The following SLC22A23 variants were observed in gnomAD, a reference collection of about 807,000 sequenced individuals.
The protein encoded by SLC22A23 is solute carrier family 22 member 23.
In SLC22A23, 26 loss-of-function variants were observed where a neutral mutation model predicts 61.0. The ratio of observed to expected loss-of-function variants is 0.43; its 90% confidence interval spans 0.31 to 0.59. SLC22A23 has a LOEUF of 0.59. Among genes scored for constraint, SLC22A23 ranks in the 20% least tolerant of loss-of-function variants. SLC22A23 has a pLI of 0.11. For missense variants in SLC22A23, 796 were observed against 934.7 expected (o/e 0.85, Z 1.94); for synonymous variants, 430 against 413.9 (o/e 1.04, Z -0.47).
chr6:3,298,145 A>G lies in SLC22A23; in HGVS notation c.1156T>C (p.Phe386Leu), dbSNP rs1761278126. ...GGGTTCATGCGATTCTTCTGTGTGA[A>G]GTGGAGGATCAGCCTCTTTGCAGAC... is the stretch of plus-strand genomic sequence containing the variant. Reference protein sequence around the residue: ...FESAKRLILHFTQKNRMNPEG... With the variant: ...FESAKRLILHLTQKNRMNPEG... Residue 386 changes from phenylalanine to leucine, a missense_variant, in exon 5 of 10, where the codon TTC becomes CTC. By Grantham distance (22) the Phe-to-Leu change is conservative (BLOSUM62 0). Coordinates refer to ENST00000406686, the MANE Select transcript of SLC22A23 (RefSeq NM_015482.2). 6.3e-7 allele frequency: 1 copy of G among 1,590,954 alleles called. No individual in the cohort carries two copies. Among genetic ancestry groups the G allele is most frequent in the Admixed American group, 1.8e-5 (1 of 54,972 alleles).
chr6:3,376,333 G>A (rs996455439), intron 3 of SLC22A23, among the ~76,000 whole-genome samples: 24 of 152,150 alleles, frequency 1.6e-4, no homozygotes, highest in African/African-American at 5.8e-4. Flanking sequence ...ACGGAGCAAA[G>A]CAAACCTTCC....
At chr6:3,434,989 A>G (rs553652121) in intron 1 of SLC22A23, among the ~76,000 whole-genome samples, 22 of 152,208 alleles carry the variant, frequency 1.4e-4, no homozygotes, top group Non-Finnish European at 2.8e-4. Context: ...GGCAAGAAAA[A>G]CAGCCCCAAC....
chr6:3,404,981 C>T (rs928463706), intron 3 of SLC22A23, among the ~76,000 whole-genome samples: 9 of 151,766 alleles, frequency 5.9e-5, no homozygotes, highest in African/African-American at 1.7e-4. Context: ...GATTTGTCGG[C>T]CAGGTGCGGT....
chr6:3,346,289 C>A (rs189205025), intron 3 of SLC22A23, among the ~76,000 whole-genome samples: 2 of 152,166 alleles, frequency 1.3e-5, no homozygotes, highest in Non-Finnish European at 2.9e-5. Context: ...CAGCATTGCA[C>A]GTCTGAAGCT....
chr6:3,437,769 CAG>C (rs1463068569), intron 1 of SLC22A23, among the ~76,000 whole-genome samples: 1 of 119,154 alleles, frequency 8.4e-6, no homozygotes. Flanking sequence ...TTTTTTGAGA[CAG>C]AGTTTTGCTC....
intron 2 of SLC22A23, among the ~76,000 whole-genome samples, chr6:3,411,935 T>A (rs1769282260): frequency 6.6e-6 from 1 of 152,224 alleles, no homozygotes; most frequent in African/African-American, 2.4e-5. Context: ...AAATTTAAAA[T>A]ACAGCTTTAG....
chr6:3,364,118 T>C (rs1357034726), intron 3 of SLC22A23, among the ~76,000 whole-genome samples: 4 of 152,236 alleles, frequency 2.6e-5, no homozygotes, highest in Non-Finnish European at 5.9e-5. Context: ...CTCTTTGGGA[T>C]GAGTCAAAGG....
Position 3,285,798 on chromosome 6 carries a change from C to T in SLC22A23, c.1547-687G>A, listed in dbSNP as rs576678345. Among the ~76,000 whole-genome samples, 5 of 152,326 alleles carry T rather than the reference C, an allele frequency of 3.3e-5. No individual in the cohort carries two copies. The East Asian group carries it at 5.8e-4, about 18-fold the overall frequency. On this transcript the variant is annotated intron_variant, in intron 7 of 9. Coordinates refer to ENST00000406686, the MANE Select transcript of SLC22A23 (RefSeq NM_015482.2). ...TCTAATCTAGGCTGCACGACAAGGC[C>T]GCTCTGATCTGGGTGCGGTGGACAG...
intron 3 of SLC22A23, among the ~76,000 whole-genome samples, chr6:3,381,158 C>A (rs1182246066): frequency 2.0e-5 from 3 of 152,126 alleles, no homozygotes; most frequent in African/African-American, 7.2e-5. Context: ...AGCCCGAGAA[C>A]CATCAAAAGG....
In SLC22A23 at chr6:3,406,379, A is replaced by G. The variant is rs543663790; in HGVS notation, c.913+3809T>C. On this transcript the variant is annotated intron_variant, in intron 3 of 9. Coordinates refer to ENST00000406686, the MANE Select transcript of SLC22A23 (RefSeq NM_015482.2). Reference sequence around the variant, plus strand: ...GGTTAGGAAAAGGATTCATACCACAACCAATCACGTCCGCCTATGCTGAGA... The same window carrying G: ...GGTTAGGAAAAGGATTCATACCACAGCCAATCACGTCCGCCTATGCTGAGA... Among the ~76,000 whole-genome samples, 207 of 152,320 alleles carry G rather than the reference A, an allele frequency of 1.4e-3. 1 individual carries two copies. Among genetic ancestry groups the G allele is most frequent in the Non-Finnish European group, 1.1e-3 (78 of 68,028 alleles).
intron 3 of SLC22A23, among the ~76,000 whole-genome samples, chr6:3,406,090 C>T (rs1474168218): frequency 6.6e-6 from 1 of 152,084 alleles, no homozygotes; most frequent in Non-Finnish European, 1.5e-5. Flanking sequence ...TTTGGTCTGT[C>T]AGCAAAAGGT....
In SLC22A23 at chr6:3,285,070, G is replaced by A; in HGVS notation, c.1579+9C>T. The A allele has an allele frequency of 6.2e-7, 1 of 1,612,916 alleles. No individual in the cohort carries two copies. Among genetic ancestry groups the A allele is most frequent in the South Asian group, 1.1e-5 (1 of 90,820 alleles). On this transcript the variant is annotated intron_variant, in intron 8 of 9. Transcript: ENST00000406686. The stretch of plus-strand genomic sequence containing the variant: ...ACGAGGAAGCACAGCCCACGCGCTT[G>A]GGACTCACCTGAGTCTGGGTGCTGG...
intron 5 of SLC22A23, chr6:3,291,417 G>C (rs920804727): frequency 1.3e-5 from 2 of 152,222 alleles, no homozygotes; most frequent in East Asian, 1.9e-4. Flanking sequence ...TTTTTGAACT[G>C]AGTGTCACCA....
chr6:3,280,353 TATC>T (rs1486685358), intron 9 of SLC22A23, among the ~76,000 whole-genome samples: 1 of 152,154 alleles, frequency 6.6e-6, no homozygotes, highest in Non-Finnish European at 1.5e-5. Context: ...CTCCGGGCCA[TATC>T]ATCAGCACCC....
rs1772319090 is a variant in SLC22A23, at chr6:3,454,896, C to T, written c.654+1010G>A. ...TAAAACTGTCCAATTTCATACATTT[C>T]GACAAAGCATTTAAAACTCTGCCAG... On this transcript the variant is annotated intron_variant, in intron 1 of 9. Transcript: ENST00000406686. The surrounding 1 kb of genome is among the most constrained non-coding windows in gnomAD (Gnocchi z 4.3). Among the ~76,000 whole-genome samples, 1 of 152,176 alleles carries T rather than the reference C, an allele frequency of 6.6e-6. No homozygotes were observed. The highest frequency in any genetic ancestry group is 2.4e-5 in the African/African-American group (1 of 41,436).
At chr6:3,313,008 G>A (rs1162057526) in intron 4 of SLC22A23, 1 of 152,228 alleles carries the variant, frequency 6.6e-6, no homozygotes, top group Non-Finnish European at 1.5e-5. Flanking sequence ...GAAGGGCGAA[G>A]GCTGGCCCCC....
intron 3 of SLC22A23, among the ~76,000 whole-genome samples, chr6:3,367,403 T>C (rs1383092297): frequency 6.6e-6 from 1 of 152,238 alleles, no homozygotes; most frequent in Non-Finnish European, 1.5e-5. Context: ...CAATATGCCA[T>C]CATCTTGGGC....
intron 3 of SLC22A23, among the ~76,000 whole-genome samples, chr6:3,393,617 C>T (rs1223396393): frequency 6.6e-6 from 1 of 152,200 alleles, no homozygotes; most frequent in Non-Finnish European, 1.5e-5. Context: ...AAAATGGCAG[C>T]AGAAATACAT....
chr6:3,278,211 G>A (rs775513282), intron 9 of SLC22A23, among the ~76,000 whole-genome samples: 67 of 152,214 alleles, frequency 4.4e-4, no homozygotes, highest in Admixed American at 1.5e-3. Flanking sequence ...CTCGGTGAGT[G>A]ACAGATTCCC....
Sources: allele counts gnomAD v4.1 joint callset (sites outside exome capture counted in the v4.1 genomes callset), GRCh38; gene constraint gnomAD v4.1.1; non-coding constraint Gnocchi (gnomAD v3.1); transcripts MANE v1.5; gene names NCBI Gene and HGNC (gene_info 2026-07-23, HGNC 2026-07-21).